PMP2: variants seen among roughly 807,000 people sequenced by gnomAD.
PMP2 encodes myelin P2 protein.
In PMP2, 11 loss-of-function variants were observed where a neutral mutation model predicts 15.9. The ratio of observed to expected loss-of-function variants is 0.69; its 90% CI spans 0.44 to 1.14. The LOEUF (loss-of-function observed/expected upper bound fraction) is 1.14. Among genes scored for constraint, PMP2 ranks in the 50% most tolerant of loss-of-function variants. The pLI, the probability that PMP2 is intolerant of heterozygous loss-of-function variation, is 0.00. For synonymous variants in PMP2, 55 were observed against 54.1 expected, an observed-to-expected ratio of 1.02 and a Z score of -0.07; for missense variants, 151 against 154.0, an observed-to-expected ratio of 0.98 and a Z score of 0.10.
chr8:81,447,006 C>G (rs1029117346), intron 1 of PMP2, among the ~76,000 whole-genome samples: 3 of 152,178 alleles, frequency 2.0e-5, no homozygotes, highest in African/African-American at 7.2e-5. Flanking sequence ...ATGGGTTGAC[C>G]ATGCTTTTAA....
At position 81,443,073 on chromosome 8, in the gene PMP2, T is replaced by G. The variant is rs1201080915; in HGVS notation, c.*325A>C. 5.3e-6 allele frequency: 1 copy of G among 190,276 alleles called. No homozygotes were observed. Among genetic ancestry groups the G allele is most frequent in the Non-Finnish European group, 1.1e-5 (1 of 94,042 alleles). The allele number at this position is 190,276 out of a possible 1,614,324, so 11.8% of individuals were successfully genotyped here. ...CCTGATCAATACTTTGATTTCATTT[T>G]ACTAAGAAATTATATCCTTTTTATT... On this transcript the variant is annotated 3_prime_UTR_variant, in exon 4 of 4. Transcript: ENST00000256103.
rs1243930151 is a variant in PMP2 at position 81,441,138 on chromosome 8, G to T, written c.*2260C>A. The T allele has an allele frequency of 6.6e-6, 1 of 151,870 alleles. No individual in the cohort carries two copies. The highest frequency in any genetic ancestry group is 1.5e-5 in the Non-Finnish European group (1 of 67,938). The allele number at this position is 151,870 out of a possible 1,614,324, so 9.4% of individuals were successfully genotyped here. On this transcript the variant is annotated 3_prime_UTR_variant, in exon 4 of 4. Coordinates refer to ENST00000256103, the MANE Select transcript of PMP2 (RefSeq NM_002677.5). The stretch of plus-strand genomic sequence containing the variant: ...CAGTCAAAACCCCCTGTCGTTTCTG[G>T]TTGTTGTTGTTACAGTGATGTTGTT...
Position 81,441,570 on chromosome 8 carries a change from C to A in PMP2, c.*1828G>T, listed in dbSNP as rs545066895. 4 of 147,920 alleles carry A rather than the reference C, an allele frequency of 2.7e-5. No homozygotes were observed. Among genetic ancestry groups the A allele is most frequent in the South Asian group, 2.1e-4 (1 of 4,676 alleles). The allele number at this position is 147,920 out of a possible 1,614,324, so 9.2% of individuals were successfully genotyped here. Reference sequence around the variant, plus strand: ...TCTATCTATCTATCTATCTATATATCTATCTATCATCTGTCAGTCATCTAC... The same window carrying A: ...TCTATCTATCTATCTATCTATATATATATCTATCATCTGTCAGTCATCTAC... On this transcript the variant is annotated 3_prime_UTR_variant, in exon 4 of 4. Transcript: ENST00000256103.
In PMP2 at chr8:81,447,313, C is replaced by T; in HGVS notation, c.73+1G>A. 6.2e-7 allele frequency: 1 copy of T among 1,610,822 alleles called. No individual in the cohort carries two copies. Among genetic ancestry groups the T allele is most frequent in the Non-Finnish European group, 8.5e-7 (1 of 1,177,008 alleles). On this transcript the variant is annotated splice_donor_variant, in intron 1 of 3. Coordinates refer to ENST00000256103, the MANE Select transcript of PMP2 (RefSeq NM_002677.5). LOFTEE classifies it high-confidence loss of function. ...GCAGAACAACAAAAAGCATTTCTTA[C>T]CCAGAGCTTTCATGTAATCGTCAAA...
intron 1 of PMP2, among the ~76,000 whole-genome samples, chr8:81,446,714 G>A (rs926173629): frequency 1.3e-5 from 2 of 152,160 alleles, no homozygotes; most frequent in African/African-American, 2.4e-5. Context: ...TGATGTTAGC[G>A]AAATTGAGTT....
intron 3 of PMP2, 149 bp from the exon 4 acceptor site, chr8:81,443,597 T>G: frequency 2.0e-6 from 1 of 507,976 alleles, no homozygotes; most frequent in Non-Finnish European, 3.4e-6. Context: ...AATTCAGAAT[T>G]ATGACCATTG....
intron 1 of PMP2, among the ~76,000 whole-genome samples, chr8:81,445,406 G>A (rs1242599483): frequency 6.6e-6 from 1 of 152,002 alleles, no homozygotes; most frequent in Non-Finnish European, 1.5e-5. Context: ...TGTATTTTTA[G>A]TAGAGACGGG....
Position 81,443,334 on chromosome 8 carries a change from C to A in PMP2, c.*64G>T, listed in dbSNP as rs1450885792. ...ATATTTGCAGTGTATTCAGTTTTGT[C>A]AATGGAAGCAATTGATTTCCATCAT... On this transcript the variant is annotated 3_prime_UTR_variant, in exon 4 of 4. Coordinates refer to ENST00000256103, the MANE Select transcript of PMP2 (RefSeq NM_002677.5). The A allele has an allele frequency of 4.5e-6, 5 of 1,117,150 alleles. No homozygotes were observed. In the East Asian group the frequency reaches 1.2e-4, roughly 27 times the overall value. 69.2% of individuals were successfully genotyped at this position (1,117,150 alleles called of 1,614,324 possible).
Position 81,440,833 on chromosome 8 carries a change from A to C in PMP2, c.*2565T>G, listed in dbSNP as rs1292357521. On this transcript the variant is annotated 3_prime_UTR_variant, in exon 4 of 4. Transcript: ENST00000256103. ...AATTTTTTGAGAGTAGATTGCATAC[A>C]TTATGGCCCTTTACCTCAAAATACT... is the stretch of plus-strand genomic sequence containing the variant. The C allele has an allele frequency of 6.6e-6, 1 of 152,244 alleles. No homozygotes were observed. Among genetic ancestry groups the C allele is most frequent in the Non-Finnish European group, 1.5e-5 (1 of 68,034 alleles). The allele number at this position is 152,244 out of a possible 1,614,324, so 9.4% of individuals were successfully genotyped here. A position where few individuals can be genotyped will look rare whatever the true frequency, so the allele number is the denominator to read the frequency against.
chr8:81,442,623 T>G lies in PMP2; in HGVS notation c.*775A>C, dbSNP rs1227086317. Reference sequence around the variant, plus strand: ...TTTAAAAAAGGCAAACAGAAAAGAATGCATGATGTACAATTCCCTTCATAT... The same window carrying G: ...TTTAAAAAAGGCAAACAGAAAAGAAGGCATGATGTACAATTCCCTTCATAT... On this transcript the variant is annotated 3_prime_UTR_variant, in exon 4 of 4. Transcript: ENST00000256103. 3 of 152,278 alleles carry G rather than the reference T, an allele frequency of 2.0e-5. No homozygotes were observed. Among genetic ancestry groups the G allele is most frequent in the African/African-American group, 7.2e-5 (3 of 41,420 alleles). 9.4% of individuals were successfully genotyped at this position (152,278 alleles called of 1,614,324 possible).
rs1807421792 is a variant in PMP2 at position 81,444,917 on chromosome 8, A to G, written c.146T>C (p.Ile49Thr). 2 of 1,613,908 alleles carry G rather than the reference A, an allele frequency of 1.2e-6. No individual in the cohort carries two copies. Among genetic ancestry groups the G allele is most frequent in the South Asian group, 1.1e-5 (1 of 91,068 alleles). ...GGTACTTTCAGTTCGTATAGTTATA[A>G]TATCTCCTTTCTTGCTGATGATCAC... ...PTVIISKKGDIITIRTESTFK... is the reference protein window; with the variant it reads ...PTVIISKKGDTITIRTESTFK... Residue 49 changes from isoleucine to threonine, a missense_variant, in exon 2 of 4, where the codon ATT becomes ACT. Ile to Thr is a moderately conservative substitution (Grantham distance 89, BLOSUM62 -1). Coordinates refer to ENST00000256103, the MANE Select transcript of PMP2 (RefSeq NM_002677.5).
intron 3 of PMP2, among the ~76,000 whole-genome samples, chr8:81,443,927 T>G (rs1027530316): frequency 5.3e-5 from 8 of 152,036 alleles, no homozygotes; most frequent in Non-Finnish European, 1.2e-4. Flanking sequence ...CTATTTACAT[T>G]CAATGTATGT....
Position 81,444,924 on chromosome 8 carries a change from C to A in PMP2, c.139G>T (p.Gly47Ter), listed in dbSNP as rs1807421934. 6.2e-7 allele frequency: 1 copy of A among 1,613,738 alleles called. No homozygotes were observed. The highest frequency in any genetic ancestry group is 1.3e-5 in the African/African-American group (1 of 74,916). ...AKPTVIISKK[G>*]DIITIRTEST... ...TCAGTTCGTATAGTTATAATATCTCCTTTCTTGCTGATGATCACAGTGGGT... is the reference window on the plus strand; with the variant it reads ...TCAGTTCGTATAGTTATAATATCTCATTTCTTGCTGATGATCACAGTGGGT... The change falls in exon 2 of 4, where the codon GGA becomes TGA. Residue 47 changes from glycine (G) to a stop codon, truncating the protein, a stop_gained. Transcript: ENST00000256103. LOFTEE classifies it high-confidence loss of function.
At position 81,440,920 on chromosome 8, in the gene PMP2, G is replaced by A. The variant is rs1807317504; in HGVS notation, c.*2478C>T. The stretch of plus-strand genomic sequence containing the variant: ...CTTAATCAAAGTATACTTCTTATCT[G>A]ATTGACTGTCTATATTCCAATTTGC... On this transcript the variant is annotated 3_prime_UTR_variant, in exon 4 of 4. Transcript: ENST00000256103. 2 of 152,238 alleles carry A rather than the reference G, an allele frequency of 1.3e-5. No homozygotes were observed. The highest frequency in any genetic ancestry group is 2.9e-5 in the Non-Finnish European group (2 of 68,008). 9.4% of individuals were successfully genotyped at this position (152,238 alleles called of 1,614,324 possible).
chr8:81,443,211 G>T lies in PMP2; in HGVS notation c.*187C>A. On this transcript the variant is annotated 3_prime_UTR_variant, in exon 4 of 4. Transcript: ENST00000256103. Reference sequence around the variant, plus strand: ...ATATGCTTTGATGTAATAATGACATGCATGCACATTGAAAATGTTTAAATA... The same window carrying T: ...ATATGCTTTGATGTAATAATGACATTCATGCACATTGAAAATGTTTAAATA... The T allele has an allele frequency of 2.1e-6, 1 of 480,860 alleles. No homozygotes were observed. The highest frequency in any genetic ancestry group is 4.0e-5 in the South Asian group (1 of 24,996). 29.8% of individuals were successfully genotyped at this position (480,860 alleles called of 1,614,324 possible).
In PMP2 at chr8:81,442,265, C is replaced by T. The variant is rs1359058121; in HGVS notation, c.*1133G>A. The T allele has an allele frequency of 1.3e-5, 2 of 152,438 alleles. No homozygotes were observed. Among genetic ancestry groups the T allele is most frequent in the Admixed American group, 6.6e-5 (1 of 15,260 alleles). 9.4% of individuals were successfully genotyped at this position (152,438 alleles called of 1,614,324 possible). ...ACATCAACATGTTTTCTCATTTGCT[C>T]AATCATATAATACATCTGAAATAGT... is the stretch of plus-strand genomic sequence containing the variant. On this transcript the variant is annotated 3_prime_UTR_variant, in exon 4 of 4. Transcript: ENST00000256103.
chr8:81,441,540 A>G lies in PMP2; in HGVS notation c.*1858T>C, dbSNP rs967903709. On this transcript the variant is annotated 3_prime_UTR_variant, in exon 4 of 4. Coordinates refer to ENST00000256103, the MANE Select transcript of PMP2 (RefSeq NM_002677.5). ...CATTTCTCTATCTATCTATCTATCTATCTATCTATCTATCTATCTATCTAT... is the reference window on the plus strand; with the variant it reads ...CATTTCTCTATCTATCTATCTATCTGTCTATCTATCTATCTATCTATCTAT... 6.6e-6 allele frequency: 1 copy of G among 151,488 alleles called. No individual in the cohort carries two copies. Among genetic ancestry groups the G allele is most frequent in the Non-Finnish European group, 1.5e-5 (1 of 67,846 alleles). 9.4% of individuals were successfully genotyped at this position (151,488 alleles called of 1,614,324 possible).
intron 1 of PMP2, among the ~76,000 whole-genome samples, chr8:81,447,079 T>C (rs1454312824): frequency 1.3e-5 from 2 of 152,202 alleles, no homozygotes; most frequent in Non-Finnish European, 2.9e-5. Flanking sequence ...TTGAAATCAG[T>C]GGGCATTCCA....
chr8:81,443,260 C>A lies in PMP2; in HGVS notation c.*138G>T. On this transcript the variant is annotated 3_prime_UTR_variant, in exon 4 of 4. Transcript: ENST00000256103. Reference sequence around the variant, plus strand: ...TAACACTGACTTTTAGATTAATTCTCAGTTTAGGCCTTTGCATATCTGATA... The same window carrying A: ...TAACACTGACTTTTAGATTAATTCTAAGTTTAGGCCTTTGCATATCTGATA... 1 of 540,400 alleles carries A rather than the reference C, an allele frequency of 1.9e-6. No individual in the cohort carries two copies. The highest frequency in any genetic ancestry group is 3.1e-5 in the South Asian group (1 of 32,172). 33.5% of individuals were successfully genotyped at this position (540,400 alleles called of 1,614,324 possible).
Sources: gnomAD v4.1 joint callset for allele counts (sites outside exome capture counted in the v4.1 genomes callset) on GRCh38, gnomAD v4.1.1 for gene constraint, MANE v1.5 for transcripts, NCBI Gene and HGNC (gene_info 2026-07-23, HGNC 2026-07-21) for gene names.